Variants in KSR2 observed in about 807,000 individuals in gnomAD.
KSR2 encodes kinase suppressor of ras 2.
KSR2 carries 25 observed loss-of-function variants against 107.8 expected under a neutral mutation model. The observed-to-expected ratio is 0.23, with a 90% CI of 0.17 to 0.32. KSR2 has a LOEUF of 0.32. KSR2 is among the 10% of genes least tolerant of loss of function. The pLI is 1.00. For synonymous variants in KSR2, 480 were observed against 507.0 expected, an observed-to-expected ratio of 0.95 and a Z score of 0.71; for missense variants, 887 against 1,268.9, an observed-to-expected ratio of 0.70 and a Z score of 4.57.
In KSR2 at chr12:117,590,224, T is replaced by A. The variant is rs530716849; in HGVS notation, c.1172-7865A>T. 4.6e-5 allele frequency among the ~76,000 whole-genome samples: 7 copies of A among 152,284 alleles called. No individual in the cohort carries two copies. The South Asian group carries it at 1.5e-3, about 32-fold the overall frequency. ...CAATGCAATTCATGCATGTGTGGAG[T>A]TTAAGTTAGAGACAAGACCTTGAGT... On this transcript the variant is annotated intron_variant, in intron 5 of 19. Coordinates refer to ENST00000339824, the MANE Select transcript of KSR2 (RefSeq NM_173598.6).
intron 5 of KSR2, among the ~76,000 whole-genome samples, chr12:117,650,341 GC>G (rs1883844986): frequency 6.6e-6 from 1 of 152,148 alleles, no homozygotes; most frequent in African/African-American, 2.4e-5. Flanking sequence ...TCCTCAGCTT[GC>G]AGACAGCCTA....
At chr12:117,645,869 G>A (rs77164346) in intron 5 of KSR2, among the ~76,000 whole-genome samples, 2 of 2,026 alleles carry the variant, frequency 9.9e-4, no homozygotes, top group African/African-American at 8.6e-3. Flanking sequence ...GTGTATGTGC[G>A]TGTGTGTGTG....
At chr12:117,684,315 T>G (rs1009057053) in intron 4 of KSR2, among the ~76,000 whole-genome samples, 1 of 152,204 alleles carries the variant, frequency 6.6e-6, no homozygotes, top group Non-Finnish European at 1.5e-5. Flanking sequence ...AGGCAGGGGT[T>G]GTGTTTAACT....
At chr12:117,900,902 AAGAC>A (rs1358122209) in intron 1 of KSR2, among the ~76,000 whole-genome samples, 36 of 152,294 alleles carry the variant, frequency 2.4e-4, no homozygotes, top group Non-Finnish European at 4.9e-4. Flanking sequence ...CGTTTTGGCA[AAGAC>A]ACCTTTTCTC....
At chr12:117,794,363 C>T (rs1260540528) in intron 3 of KSR2, among the ~76,000 whole-genome samples, 2 of 104,756 alleles carry the variant, frequency 1.9e-5, no homozygotes, top group Non-Finnish European at 3.7e-5. Flanking sequence ...GCACACACAC[C>T]AACATGCACA....
At chr12:117,837,613 A>G (rs1004070349) in intron 3 of KSR2, among the ~76,000 whole-genome samples, 10 of 151,532 alleles carry the variant, frequency 6.6e-5, no homozygotes, top group African/African-American at 2.4e-4. Flanking sequence ...CTACGTGATC[A>G]TGATGGCACA....
At chr12:117,911,982 C>T (rs879843054) in intron 1 of KSR2, among the ~76,000 whole-genome samples, 2 of 152,232 alleles carry the variant, frequency 1.3e-5, no homozygotes, top group Non-Finnish European at 2.9e-5. Flanking sequence ...AATCCTCAGT[C>T]ACTAATGTGT....
intron 9 of KSR2, among the ~76,000 whole-genome samples, chr12:117,549,318 C>T (rs1877116511): frequency 6.6e-6 from 1 of 152,120 alleles, no homozygotes; most frequent in Non-Finnish European, 1.5e-5. Context: ...AATTATATTA[C>T]ACGAGGAAAA....
chr12:117,737,659 A>G (rs1887995108), intron 4 of KSR2, among the ~76,000 whole-genome samples: 1 of 151,852 alleles, frequency 6.6e-6, no homozygotes, highest in African/African-American at 2.4e-5. Context: ...GGTACATGCT[A>G]GTAGTCCCAG....
rs1287784730 is a variant in KSR2, at chr12:117,463,765, C to G, written c.*3434G>C. ...TCCTCCGTGTACCTTTGATGATCAGCTGTAGGTGGGGATGGGAATGGTGGA... is the reference window on the plus strand; with the variant it reads ...TCCTCCGTGTACCTTTGATGATCAGGTGTAGGTGGGGATGGGAATGGTGGA... On this transcript the variant is annotated 3_prime_UTR_variant, in exon 20 of 20. Transcript: ENST00000339824. 2 of 152,194 alleles carry G rather than the reference C, an allele frequency of 1.3e-5. No individual in the cohort carries two copies. The highest frequency in any genetic ancestry group is 2.9e-5 in the Non-Finnish European group (2 of 68,048). 9.4% of individuals were successfully genotyped at this position (152,194 alleles called of 1,614,324 possible). A position where few individuals can be genotyped will look rare whatever the true frequency, so the allele number is the denominator to read the frequency against.
chr12:117,677,689 G>A (rs1451936907), intron 4 of KSR2, among the ~76,000 whole-genome samples: 1 of 152,098 alleles, frequency 6.6e-6, no homozygotes. Flanking sequence ...CACAGGACTG[G>A]CCACTTTATG....
intron 3 of KSR2, among the ~76,000 whole-genome samples, chr12:117,815,682 G>A (rs1015828582): frequency 6.6e-6 from 1 of 152,080 alleles, no homozygotes; most frequent in Non-Finnish European, 1.5e-5. Context: ...TATAGAAAGT[G>A]TGTGTGTGGG....
At chr12:117,744,799 T>C (rs1470069638) in intron 4 of KSR2, among the ~76,000 whole-genome samples, 1 of 152,230 alleles carries the variant, frequency 6.6e-6, no homozygotes, top group African/African-American at 2.4e-5. Context: ...CTTAAAAGCA[T>C]TGGGGGTTCT....
chr12:117,527,950 A>AGTGTGTGTGTGTGT (rs10664320), intron 12 of KSR2, among the ~76,000 whole-genome samples: 3 of 142,620 alleles, frequency 2.1e-5, no homozygotes, highest in African/African-American at 7.8e-5. Flanking sequence ...GGAAGACACA[A>AGTGTGTGTGTGTGT]GTGTGTGTGT....
intron 5 of KSR2, among the ~76,000 whole-genome samples, chr12:117,624,364 C>T (rs998843562): frequency 6.6e-6 from 1 of 152,176 alleles, no homozygotes; most frequent in African/African-American, 2.4e-5. Flanking sequence ...TTAGGTCTAA[C>T]ATTTAAGTCT....
chr12:117,915,304 G>A (rs557221562), intron 1 of KSR2, among the ~76,000 whole-genome samples: 1 of 152,192 alleles, frequency 6.6e-6, no homozygotes, highest in African/African-American at 2.4e-5. Context: ...TGAGCTCTCT[G>A]AGGGCCCTTT....
intron 16 of KSR2, among the ~76,000 whole-genome samples, chr12:117,477,823 T>C (rs995688763): frequency 6.6e-5 from 10 of 152,344 alleles, no homozygotes; most frequent in African/African-American, 2.4e-4. Context: ...GGTTCCCTCT[T>C]CCGCCATTAT....
chr12:117,603,674 C>A (rs1199489789), intron 5 of KSR2, among the ~76,000 whole-genome samples: 21 of 152,162 alleles, frequency 1.4e-4, no homozygotes, highest in Admixed American at 1.2e-3. Context: ...CCAAAAGGGG[C>A]AAAATGAGAA....
chr12:117,926,585 C>T (rs1462076938), intron 1 of KSR2, among the ~76,000 whole-genome samples: 2 of 152,214 alleles, frequency 1.3e-5, no homozygotes, highest in East Asian at 3.9e-4. Context: ...TTGGAAGTTT[C>T]TCTAAAGATC....
Sources: allele counts gnomAD v4.1 joint callset (sites outside exome capture counted in the v4.1 genomes callset), GRCh38; gene constraint gnomAD v4.1.1; transcripts MANE v1.5; gene names NCBI Gene and HGNC (gene_info 2026-07-23, HGNC 2026-07-21).